Variants in PRUNE2 observed in about 807,000 individuals in gnomAD.
PRUNE2 encodes protein prune homolog 2.
Under a neutral mutation model 252.0 loss-of-function variants are expected in PRUNE2, and 164 were observed. That is an observed-to-expected ratio of 0.65 (90% CI 0.57 to 0.74). PRUNE2 has a LOEUF of 0.74. Among genes scored for constraint, PRUNE2 ranks in the 30% least tolerant of loss-of-function variants. The probability of loss-of-function intolerance (pLI) is 0.00; values close to 1 mark genes in which losing one functional copy is unlikely to be tolerated. For synonymous variants in PRUNE2, 1,292 were observed against 1,350.2 expected, an observed-to-expected ratio of 0.96 and a Z score of 0.94; for missense variants, 3,495 against 3,711.0, an observed-to-expected ratio of 0.94 and a Z score of 1.51.
intron 6 of PRUNE2, among the ~76,000 whole-genome samples, chr9:76,731,229 A>C (rs1014674704): frequency 4.0e-5 from 6 of 151,516 alleles, no homozygotes; most frequent in Non-Finnish European, 7.4e-5. Context: ...GGGGAAAATC[A>C]AGTTTAACAC....
At chr9:76,897,538 C>A (rs1213309403) in intron 1 of PRUNE2, among the ~76,000 whole-genome samples, 1 of 151,308 alleles carries the variant, frequency 6.6e-6, no homozygotes, top group Non-Finnish European at 1.5e-5. Flanking sequence ...CTCAGCCTCC[C>A]AAGTAGCTGG....
chr9:76,870,232 T>A (rs562273302), intron 1 of PRUNE2, among the ~76,000 whole-genome samples: 43 of 152,034 alleles, frequency 2.8e-4, no homozygotes, highest in African/African-American at 9.6e-4. Flanking sequence ...ATAGGTCCTA[T>A]TAAATATAAA....
At chr9:76,838,932 A>C (rs1421751402) in intron 4 of PRUNE2, among the ~76,000 whole-genome samples, 2 of 152,192 alleles carry the variant, frequency 1.3e-5, no homozygotes, top group Non-Finnish European at 2.9e-5. Context: ...TTTTTGGTGC[A>C]AAGTATTATA....
chr9:76,811,941 AG>A (rs1365389453), intron 6 of PRUNE2, among the ~76,000 whole-genome samples: 1 of 152,238 alleles, frequency 6.6e-6, no homozygotes, highest in Non-Finnish European at 1.5e-5. Context: ...ATGGCGCTGT[AG>A]TTGCTGAAAA....
chr9:76,900,487 A>G (rs888012782), intron 1 of PRUNE2, among the ~76,000 whole-genome samples: 6 of 152,170 alleles, frequency 3.9e-5, no homozygotes, highest in African/African-American at 1.2e-4. Flanking sequence ...AGAGATTTTG[A>G]GTACGCTAAT....
chr9:76,760,641 G>A (rs2051619152), intron 6 of PRUNE2, among the ~76,000 whole-genome samples: 3 of 152,012 alleles, frequency 2.0e-5, no homozygotes, highest in African/African-American at 7.3e-5. Context: ...AAAGGAACAG[G>A]TATCACAGTA....
At chr9:76,720,925 C>T (rs1168229178) in intron 6 of PRUNE2, among the ~76,000 whole-genome samples, 1 of 152,010 alleles carries the variant, frequency 6.6e-6, no homozygotes, top group Non-Finnish European at 1.5e-5. Flanking sequence ...CACGGTGAAA[C>T]CCCATCTCCA....
rs145321290 is a variant in PRUNE2 at position 76,800,243 on chromosome 9, T to G, written c.756+23389A>C. Among the ~76,000 whole-genome samples the G allele has an allele frequency of 7.7e-3, 1,177 of 152,064 alleles. 15 individuals carry two copies. The highest frequency in any genetic ancestry group is 0.026 in the African/African-American group (1,099 of 41,476). ...AGGCCCCCGTGTGTGATGTTCCCCT[T>G]CCTGTGTCCAAGTGTTCTCATTGTT... On this transcript the variant is annotated intron_variant, in intron 6 of 18. Coordinates refer to ENST00000376718, the MANE Select transcript of PRUNE2 (RefSeq NM_015225.3).
At position 76,906,061 on chromosome 9, in the gene PRUNE2, G is replaced by A. The variant is rs553176083; in HGVS notation, c.-98C>T. On this transcript the variant is annotated 5_prime_UTR_variant, in exon 1 of 19. Transcript: ENST00000376718. Reference sequence around the variant, plus strand: ...CGGGGTCCCGGGAAAGTGGCCCGCCGGGGCGCAGCGACCGACTGCTCCCTC... The same window carrying A: ...CGGGGTCCCGGGAAAGTGGCCCGCCAGGGCGCAGCGACCGACTGCTCCCTC... 3.0e-6 allele frequency: 4 copies of A among 1,344,588 alleles called. No homozygotes were observed. Among genetic ancestry groups the A allele is most frequent in the South Asian group, 1.2e-5 (1 of 84,922 alleles). The allele number at this position is 1,344,588 out of a possible 1,614,324, so 83.3% of individuals were successfully genotyped here.
intron 4 of PRUNE2, among the ~76,000 whole-genome samples, chr9:76,834,556 T>C (rs2058849594): frequency 6.6e-6 from 1 of 152,204 alleles, no homozygotes. Context: ...GGATCTTATT[T>C]TTTAAAGACA....
intron 6 of PRUNE2, among the ~76,000 whole-genome samples, chr9:76,734,156 C>T (rs2048876481): frequency 6.6e-6 from 1 of 152,182 alleles, no homozygotes; most frequent in South Asian, 2.1e-4. Context: ...AAGGACCTCC[C>T]TGGAGGTTCC....
In PRUNE2 at chr9:76,864,535, A is replaced by G. The variant is rs559695672; in HGVS notation, c.37-10327T>C. On this transcript the variant is annotated intron_variant, in intron 1 of 18. Coordinates refer to ENST00000376718, the MANE Select transcript of PRUNE2 (RefSeq NM_015225.3). Reference sequence around the variant, plus strand: ...CAGTTCATTATCAAATGTCTTTAAAAGTAAGAACATTTTGGTAGGACAATA... The same window carrying G: ...CAGTTCATTATCAAATGTCTTTAAAGGTAAGAACATTTTGGTAGGACAATA... Among the ~76,000 whole-genome samples, 5 of 152,328 alleles carry G rather than the reference A, an allele frequency of 3.3e-5. No individual in the cohort carries two copies. In the South Asian group the frequency reaches 8.3e-4, roughly 25 times the overall value.
At chr9:76,716,968 T>C (rs1002928263) in intron 6 of PRUNE2, among the ~76,000 whole-genome samples, 2 of 152,210 alleles carry the variant, frequency 1.3e-5, no homozygotes, top group Non-Finnish European at 2.9e-5. Flanking sequence ...GCTTCATCCA[T>C]GTCCCTGCAA....
At chr9:76,656,945 A>T (rs1044006965) in intron 9 of PRUNE2, among the ~76,000 whole-genome samples, 2 of 152,246 alleles carry the variant, frequency 1.3e-5, no homozygotes, top group African/African-American at 4.8e-5. Flanking sequence ...ACAATAATGT[A>T]TCAGCAGGAA....
chr9:76,882,320 C>T (rs1466937541), intron 1 of PRUNE2, among the ~76,000 whole-genome samples: 1 of 152,174 alleles, frequency 6.6e-6, no homozygotes, highest in African/African-American at 2.4e-5. Flanking sequence ...ATTCTCATCA[C>T]CAAGCATGTA....
intron 1 of PRUNE2, among the ~76,000 whole-genome samples, chr9:76,870,043 T>C (rs1445457103): frequency 6.6e-6 from 1 of 152,234 alleles, no homozygotes; most frequent in African/African-American, 2.4e-5. Flanking sequence ...TTAAAAAGAA[T>C]GCTGTTATAG....
At chr9:76,670,601 A>G (rs559471786) in intron 9 of PRUNE2, among the ~76,000 whole-genome samples, 16 of 152,176 alleles carry the variant, frequency 1.1e-4, no homozygotes, top group East Asian at 1.9e-4. Flanking sequence ...TGGGGGCAGG[A>G]CACAGACAAA....
chr9:76,743,705 G>T (rs1009206364), intron 6 of PRUNE2, among the ~76,000 whole-genome samples: 9 of 152,172 alleles, frequency 5.9e-5, no homozygotes, highest in African/African-American at 2.2e-4. Context: ...TGTATACTAT[G>T]ATTCTATTGC....
chr9:76,661,479 G>C (rs945948352), intron 9 of PRUNE2, among the ~76,000 whole-genome samples: 33 of 152,168 alleles, frequency 2.2e-4, no homozygotes, highest in African/African-American at 8.0e-4. Flanking sequence ...CTGACCTCAG[G>C]TGATCTGCCT....
Sources: gnomAD v4.1 joint callset for allele counts (sites outside exome capture counted in the v4.1 genomes callset) on GRCh38, gnomAD v4.1.1 for gene constraint, MANE v1.5 for transcripts, NCBI Gene and HGNC (gene_info 2026-07-23, HGNC 2026-07-21) for gene names.